Variants in ERI3 observed in about 807,000 individuals in gnomAD.
The protein encoded by ERI3 is ERI1 exoribonuclease 3.
A neutral mutation model predicts 44.4 loss-of-function variants in ERI3; 18 were observed. The observed-to-expected ratio is 0.41, with a 90% CI of 0.28 to 0.60. ERI3 has a LOEUF of 0.60. ERI3 is among the 20% of genes least tolerant of loss of function. ERI3 has a pLI of 0.36. For synonymous variants in ERI3, 183 were observed against 164.8 expected, an observed-to-expected ratio of 1.11 and a Z score of -0.84; for missense variants, 294 against 435.5, an observed-to-expected ratio of 0.68 and a Z score of 2.89.
intron 7 of ERI3, among the ~76,000 whole-genome samples, chr1:44,279,007 T>C (rs990823348): frequency 1.3e-5 from 2 of 152,256 alleles, no homozygotes; most frequent in South Asian, 4.1e-4. Flanking sequence ...ATGTGGCTAG[T>C]GGAAATTATG....
At chr1:44,337,209 T>C (rs950445589) in intron 3 of ERI3, among the ~76,000 whole-genome samples, 4 of 152,154 alleles carry the variant, frequency 2.6e-5, no homozygotes, top group Non-Finnish European at 5.9e-5. Context: ...TATATAAGCA[T>C]ATGCCAGAAA....
chr1:44,221,659 A>G lies in ERI3; in HGVS notation c.932-19T>C. 1 of 1,604,412 alleles carries G rather than the reference A, an allele frequency of 6.2e-7. No homozygotes were observed. The highest frequency in any genetic ancestry group is 8.5e-7 in the Non-Finnish European group (1 of 1,171,264). ...CAGTCGTCTAAAAAGGAGAGAAGAC[A>G]TTTAGATCAGCCCCAGATCCTTCCC... On this transcript the variant is annotated intron_variant, in intron 8 of 8. Transcript: ENST00000372257. This position sits in a 1 kb window ranked among gnomAD's most constrained non-coding sequence, Gnocchi z 5.9.
At chr1:44,347,775 T>TA (rs60789961) in intron 2 of ERI3, among the ~76,000 whole-genome samples, 24,376 of 148,578 alleles carry the variant, frequency 0.16, 2,402 homozygotes, top group Non-Finnish European at 0.23. Context: ...GTGCATGTGT[T>TA]AAAAAAAAAA....
intron 8 of ERI3, among the ~76,000 whole-genome samples, chr1:44,234,633 G>A (rs1022580720): frequency 2.6e-5 from 4 of 151,858 alleles, no homozygotes; most frequent in Non-Finnish European, 4.4e-5. Flanking sequence ...CACTCTAGCC[G>A]GGGCAACAGA....
chr1:44,352,968 C>T (rs1646927017), intron 1 of ERI3, 43 bp from the exon 2 acceptor site: 2 of 1,612,082 alleles, frequency 1.2e-6, no homozygotes, highest in Non-Finnish European at 1.7e-6. Context: ...TATTTCAATA[C>T]CAAGGATCAA....
intron 5 of ERI3, among the ~76,000 whole-genome samples, chr1:44,309,650 C>T (rs867213942): frequency 3.0e-4 from 45 of 151,780 alleles, no homozygotes; most frequent in African/African-American, 8.7e-4. Flanking sequence ...CTGCAAGCTC[C>T]GCCTCCCGGG....
At chr1:44,287,828 CTA>C (rs1645425479) in intron 6 of ERI3, among the ~76,000 whole-genome samples, 1 of 152,180 alleles carries the variant, frequency 6.6e-6, no homozygotes, top group Non-Finnish European at 1.5e-5. Context: ...ACATTAAGGT[CTA>C]TGAGTGAAGG....
At chr1:44,305,233 A>G (rs1028443438) in intron 6 of ERI3, among the ~76,000 whole-genome samples, 1 of 152,224 alleles carries the variant, frequency 6.6e-6, no homozygotes, top group Non-Finnish European at 1.5e-5. Flanking sequence ...TGGATCTTCA[A>G]GCTACAGGCT....
intron 6 of ERI3, among the ~76,000 whole-genome samples, chr1:44,290,263 T>C (rs1645477485): frequency 6.6e-6 from 1 of 151,288 alleles, no homozygotes; most frequent in African/African-American, 2.4e-5. Flanking sequence ...AATGGGGGAG[T>C]ATGGAGAGGC....
chr1:44,265,039 G>T (rs548004919), intron 7 of ERI3, among the ~76,000 whole-genome samples: 53 of 152,290 alleles, frequency 3.5e-4, no homozygotes, highest in African/African-American at 1.3e-3. Flanking sequence ...CATAAAGCCA[G>T]CCTAGCCTTG....
intron 7 of ERI3, among the ~76,000 whole-genome samples, chr1:44,268,269 A>AGGACTTCACG (rs16626): frequency 0.42 from 64,431 of 151,612 alleles, 15,550 homozygotes; most frequent in African/African-American, 0.67. Flanking sequence ...CCCAACCCAT[A>AGGACTTCACG]GGGTGACTGG....
intron 7 of ERI3, among the ~76,000 whole-genome samples, chr1:44,256,146 G>C (rs1644775762): frequency 6.6e-6 from 1 of 152,076 alleles, no homozygotes; most frequent in South Asian, 2.1e-4. Flanking sequence ...GGGAGAGGAA[G>C]AAAAGACACC....
chr1:44,290,999 T>C (rs977241386), intron 6 of ERI3, among the ~76,000 whole-genome samples: 1 of 152,218 alleles, frequency 6.6e-6, no homozygotes, highest in Admixed American at 6.5e-5. Flanking sequence ...TATCTGCCCG[T>C]GACACCTTTT....
At chr1:44,354,183 A>C in intron 1 of ERI3, 1 of 985,426 alleles carries the variant, frequency 1.0e-6, no homozygotes, top group Non-Finnish European at 1.2e-6. Flanking sequence ...TCTTTTAGCC[A>C]ATAGGATTCA....
chr1:44,314,083 T>C (rs891657290), intron 4 of ERI3, among the ~76,000 whole-genome samples: 1 of 151,974 alleles, frequency 6.6e-6, no homozygotes, highest in Non-Finnish European at 1.5e-5. Context: ...ACCCCCAGCA[T>C]GTCCCTGGCT....
In ERI3 at chr1:44,241,785, A is replaced by G. The variant is rs1644441032; in HGVS notation, c.931+6154T>C. Reference sequence around the variant, plus strand: ...TGGGGAAACAAAGATTGTACTTCCTAAAGAATCAAACACACATAACACATA... The same window carrying G: ...TGGGGAAACAAAGATTGTACTTCCTGAAGAATCAAACACACATAACACATA... On this transcript the variant is annotated intron_variant, in intron 8 of 8. Coordinates refer to ENST00000372257, the MANE Select transcript of ERI3 (RefSeq NM_024066.3). The surrounding 1 kb of genome is among the most constrained non-coding windows in gnomAD (Gnocchi z 5.6). 7.5e-6 allele frequency: 2 copies of G among 265,862 alleles called. No homozygotes were observed. Among genetic ancestry groups the G allele is most frequent in the Admixed American group, 6.7e-5 (1 of 14,942 alleles). 16.5% of individuals were successfully genotyped at this position (265,862 alleles called of 1,614,324 possible). A position where few individuals can be genotyped will look rare whatever the true frequency, so the allele number is the denominator to read the frequency against.
At chr1:44,286,621 G>C (rs1017358145) in intron 6 of ERI3, among the ~76,000 whole-genome samples, 3 of 152,154 alleles carry the variant, frequency 2.0e-5, no homozygotes. Context: ...ATGAAACCAG[G>C]TTACCCCCAT....
At chr1:44,236,286 A>G (rs1644303116) in intron 8 of ERI3, among the ~76,000 whole-genome samples, 1 of 152,252 alleles carries the variant, frequency 6.6e-6, no homozygotes, top group Non-Finnish European at 1.5e-5. Flanking sequence ...ACACTGTGCT[A>G]TGCTTTGGGG....
rs545111341 is a variant in ERI3 at position 44,282,249 on chromosome 1, A to C, written c.831+2586T>G. ...AAATAGGCATGGTGAATTCATGCCC[A>C]GTTGCTCACTCACTAGGCAAGTCTC... On this transcript the variant is annotated intron_variant, in intron 7 of 8. Coordinates refer to ENST00000372257, the MANE Select transcript of ERI3 (RefSeq NM_024066.3). Among the ~76,000 whole-genome samples, 256 of 152,258 alleles carry C rather than the reference A, an allele frequency of 1.7e-3. 1 individual carries two copies. The highest frequency in any genetic ancestry group is 5.9e-3 in the African/African-American group (245 of 41,544).
Sources: gnomAD v4.1 joint callset for allele counts (sites outside exome capture counted in the v4.1 genomes callset) on GRCh38, gnomAD v4.1.1 for gene constraint, Gnocchi (gnomAD v3.1) non-coding constraint, MANE v1.5 for transcripts, NCBI Gene and HGNC (gene_info 2026-07-23, HGNC 2026-07-21) for gene names.